Variants in AMOTL1 observed in about 807,000 individuals in gnomAD.
AMOTL1 encodes the protein angiomotin like 1, also known as angiomotin-like protein 1.
Under a neutral mutation model 102.9 loss-of-function variants are expected in AMOTL1, and 45 were observed. The ratio of observed to expected loss-of-function variants is 0.44; its 90% CI spans 0.34 to 0.56. The LOEUF (loss-of-function observed/expected upper bound fraction) is 0.56, where lower values mean the gene tolerates loss of function less well. Ranked by LOEUF, AMOTL1 falls within the 20% of genes least tolerant of loss-of-function variation. AMOTL1 has a pLI of 0.01. For missense variants in AMOTL1, 1,114 were observed against 1,225.6 expected (o/e 0.91, Z 1.36); for synonymous variants, 481 against 484.7 (o/e 0.99, Z 0.10).
intron 1 of AMOTL1, among the ~76,000 whole-genome samples, chr11:94,785,845 T>C (rs1426882938): frequency 6.6e-6 from 1 of 152,212 alleles, no homozygotes; most frequent in African/African-American, 2.4e-5. Context: ...TCTGGAGGGT[T>C]ATTTTAAAGC....
chr11:94,824,401 C>T (rs956331758), intron 4 of AMOTL1, among the ~76,000 whole-genome samples: 3 of 152,172 alleles, frequency 2.0e-5, no homozygotes, highest in African/African-American at 4.8e-5. Context: ...CTGTCAGTGA[C>T]GTTACATGAG....
chr11:94,772,120 A>G (rs1950961540), intron 1 of AMOTL1, among the ~76,000 whole-genome samples: 1 of 152,198 alleles, frequency 6.6e-6, no homozygotes, highest in African/African-American at 2.4e-5. Flanking sequence ...AGTTTCCCCC[A>G]TTGGTAACAT....
chr11:94,823,962 G>T (rs759102003), intron 4 of AMOTL1, among the ~76,000 whole-genome samples: 1 of 151,642 alleles, frequency 6.6e-6, no homozygotes, highest in Admixed American at 6.6e-5. Context: ...CTCGTGATCC[G>T]CCCACCTCGG....
At chr11:94,862,523 A>T (rs73518589) in intron 9 of AMOTL1, among the ~76,000 whole-genome samples, 10 of 152,210 alleles carry the variant, frequency 6.6e-5, no homozygotes, top group Non-Finnish European at 1.2e-4. Context: ...ATCTTTATGC[A>T]TCTTGATGGT....
At chr11:94,797,187 C>T (rs533191560) in intron 2 of AMOTL1, among the ~76,000 whole-genome samples, 1 of 152,282 alleles carries the variant, frequency 6.6e-6, no homozygotes, top group African/African-American at 2.4e-5. Flanking sequence ...AGAGTGAAGG[C>T]TGCCTAGAGA....
intron 12 of AMOTL1, 124 bp from the exon 13 acceptor site, chr11:94,870,565 A>C: frequency 1.6e-6 from 1 of 640,950 alleles, no homozygotes; most frequent in Non-Finnish European, 2.6e-6. Context: ...GGATCATCTC[A>C]CATGCCCTGT....
At chr11:94,779,167 A>G (rs1393349274) in intron 1 of AMOTL1, among the ~76,000 whole-genome samples, 1 of 152,196 alleles carries the variant, frequency 6.6e-6, no homozygotes, top group African/African-American at 2.4e-5. Context: ...ATAAAGTATG[A>G]AAAACGTAGC....
chr11:94,853,307 G>A (rs7946940), intron 7 of AMOTL1, among the ~76,000 whole-genome samples: 3,667 of 145,262 alleles, frequency 0.025, 77 homozygotes, highest in African/African-American at 0.053. Context: ...CCTCACCCCC[G>A]GCCCCCAACT....
At chr11:94,712,087 T>C (rs2135429537) in intron 1 of AMOTL1, among the ~76,000 whole-genome samples, 1 of 152,216 alleles carries the variant, frequency 6.6e-6, no homozygotes. Flanking sequence ...ATAGAGTTTC[T>C]GCATCCTTAC....
At chr11:94,841,426 T>G (rs1952300284) in intron 6 of AMOTL1, among the ~76,000 whole-genome samples, 1 of 152,112 alleles carries the variant, frequency 6.6e-6, no homozygotes, top group South Asian at 2.1e-4. Context: ...CACTCCAGCC[T>G]GGGCCACAGA....
At position 94,799,517 on chromosome 11, in the gene AMOTL1, T is replaced by C. The variant is rs781395568; in HGVS notation, c.327T>C (p.Tyr109=). The change falls in exon 3 of 13, where the codon TAT becomes TAC. Residue 109 remains tyrosine, a synonymous_variant. Coordinates refer to ENST00000433060, the MANE Select transcript of AMOTL1 (RefSeq NM_130847.3). The surrounding 1 kb of genome is among the most constrained non-coding windows in gnomAD (Gnocchi z 4.5). Reference sequence around the variant, plus strand: ...GGCTGATCCAGGAACAACTGCGGTATGGCACCCCAACCGAGAACATGAACT... The same window carrying C: ...GGCTGATCCAGGAACAACTGCGGTACGGCACCCCAACCGAGAACATGAACT... ...LQRLIQEQLR[Y]GTPTENMNLL... The C allele has an allele frequency of 1.2e-6, 2 of 1,613,548 alleles. No individual in the cohort carries two copies. The highest frequency in any genetic ancestry group is 1.7e-6 in the Non-Finnish European group (2 of 1,179,738).
chr11:94,715,855 T>G (rs1950088146), intron 1 of AMOTL1, among the ~76,000 whole-genome samples: 1 of 152,136 alleles, frequency 6.6e-6, no homozygotes, highest in Non-Finnish European at 1.5e-5. Flanking sequence ...TGGATTTATC[T>G]TATTTAGGTT....
intron 3 of AMOTL1, among the ~76,000 whole-genome samples, chr11:94,811,874 C>T (rs1041661544): frequency 6.6e-6 from 1 of 152,170 alleles, no homozygotes; most frequent in African/African-American, 2.4e-5. Context: ...TGCTCTCTAC[C>T]ATCCTATAAA....
At chr11:94,771,264 G>C (rs964149054) in intron 1 of AMOTL1, among the ~76,000 whole-genome samples, 2 of 144,924 alleles carry the variant, frequency 1.4e-5, no homozygotes, top group Non-Finnish European at 3.0e-5. Context: ...GGGGTTGGGG[G>C]GGGGGTGCGG....
chr11:94,822,524 T>A (rs1951884872), intron 4 of AMOTL1, among the ~76,000 whole-genome samples: 1 of 152,198 alleles, frequency 6.6e-6, no homozygotes, highest in Non-Finnish European at 1.5e-5. Flanking sequence ...TGTGTTGTCA[T>A]GTTCATTTCA....
At position 94,830,163 on chromosome 11, in the gene AMOTL1, A is replaced by C. The variant is rs1433090788; in HGVS notation, c.1527A>C (p.Arg509Ser). The change falls in exon 5 of 13, where the codon AGA (arginine) becomes AGC (serine). Residue 509 changes from arginine (R) to serine (S), a missense_variant. Arg to Ser is a moderately radical substitution (Grantham distance 110, BLOSUM62 -1). Coordinates refer to ENST00000433060, the MANE Select transcript of AMOTL1 (RefSeq NM_130847.3). ...AMRNKLEGEIRRLHDFNRDLR... is the reference protein window; with the variant it reads ...AMRNKLEGEISRLHDFNRDLR... ...GAAACAAATTGGAAGGCGAGATTAG[A>C]AGACTTCATGATTTCAACAGAGACC... The C allele has an allele frequency of 6.2e-7, 1 of 1,610,530 alleles. No homozygotes were observed. Among genetic ancestry groups the C allele is most frequent in the East Asian group, 2.2e-5 (1 of 44,830 alleles).
At chr11:94,863,226 T>C (rs1180171959) in intron 9 of AMOTL1, among the ~76,000 whole-genome samples, 3 of 151,420 alleles carry the variant, frequency 2.0e-5, no homozygotes, top group Non-Finnish European at 4.4e-5. Context: ...TGCTCATTAA[T>C]GTTGATAGCT....
chr11:94,822,184 A>G (rs1370355116), intron 4 of AMOTL1, among the ~76,000 whole-genome samples: 2 of 152,114 alleles, frequency 1.3e-5, no homozygotes, highest in African/African-American at 4.8e-5. Context: ...GCGGTGGTCC[A>G]TGCCTATAAT....
In AMOTL1 at chr11:94,864,927, T is replaced by C. The variant is rs1478400158; in HGVS notation, c.2261+67T>C. The C allele has an allele frequency of 1.9e-6, 3 of 1,555,944 alleles. No homozygotes were observed. The African/African-American group carries it at 4.1e-5, about 21-fold the overall frequency. On this transcript the variant is annotated intron_variant, in intron 10 of 12. Transcript: ENST00000433060. ...CACACTCCAGGCCTTCCAGAACAGA[T>C]TGCTTCTCTGTCCTGTTCTGAAAGG... is the stretch of plus-strand genomic sequence containing the variant.
Sources: gnomAD v4.1 joint callset for allele counts (sites outside exome capture counted in the v4.1 genomes callset) on GRCh38, gnomAD v4.1.1 for gene constraint, Gnocchi (gnomAD v3.1) non-coding constraint, MANE v1.5 for transcripts, NCBI Gene and HGNC (gene_info 2026-07-23, HGNC 2026-07-21) for gene names.